The following PSMA1 variants were observed in gnomAD, a reference collection of about 807,000 sequenced individuals.
PSMA1 encodes proteasome 20S subunit alpha 1.
A neutral mutation model predicts 38.4 loss-of-function variants in PSMA1; 3 were observed. The ratio of observed to expected loss-of-function variants is 0.08; its 90% CI spans 0.04 to 0.20. The LOEUF is 0.20. Ranked by LOEUF, PSMA1 falls within the 10% of genes least tolerant of loss-of-function variation. PSMA1 has a pLI of 1.00. For missense variants in PSMA1, 227 were observed against 325.3 expected (o/e 0.70, Z 2.32); for synonymous variants, 101 against 107.1 (o/e 0.94, Z 0.35).
chr11:14,584,077 TA>T (rs1248018917), intron 2 of PSMA1, among the ~76,000 whole-genome samples: 1 of 152,182 alleles, frequency 6.6e-6, no homozygotes, highest in African/African-American at 2.4e-5. Flanking sequence ...GAAAGTTTTT[TA>T]AAAAAATTCT....
intron 9 of PSMA1, among the ~76,000 whole-genome samples, chr11:14,506,864 C>T (rs1851252471): frequency 6.6e-6 from 1 of 152,232 alleles, no homozygotes; most frequent in Non-Finnish European, 1.5e-5. Context: ...GGCCCTGAAA[C>T]TACGTGGACA....
At chr11:14,549,878 G>A (rs1851867844) in intron 2 of PSMA1, among the ~76,000 whole-genome samples, 1 of 152,288 alleles carries the variant, frequency 6.6e-6, no homozygotes, top group African/African-American at 2.4e-5. Context: ...CTGCTCCAAT[G>A]GCAAGAGGAT....
chr11:14,583,879 C>T (rs1334608332), intron 2 of PSMA1, among the ~76,000 whole-genome samples: 4 of 152,138 alleles, frequency 2.6e-5, no homozygotes, highest in African/African-American at 9.7e-5. Context: ...CTTCTGAAAA[C>T]GGCAGCCTCT....
intron 1 of PSMA1, among the ~76,000 whole-genome samples, chr11:14,613,666 T>C (rs1320368531): frequency 2.6e-5 from 4 of 152,176 alleles, no homozygotes; most frequent in Non-Finnish European, 1.5e-5. Context: ...TGTAGGAAAT[T>C]ACACAAAAGA....
At chr11:14,626,391 T>A (rs1852912083) in intron 1 of PSMA1, among the ~76,000 whole-genome samples, 1 of 152,232 alleles carries the variant, frequency 6.6e-6, no homozygotes, top group South Asian at 2.1e-4. Flanking sequence ...ATCTATGCTA[T>A]TACCGTTTTG....
intron 2 of PSMA1, among the ~76,000 whole-genome samples, chr11:14,553,488 C>G (rs1851910894): frequency 6.6e-6 from 1 of 152,164 alleles, no homozygotes; most frequent in Admixed American, 6.5e-5. Flanking sequence ...CTGCCCCCAA[C>G]CCATCCCTAG....
intron 2 of PSMA1, among the ~76,000 whole-genome samples, chr11:14,533,517 G>T (rs2134160581): frequency 6.6e-6 from 1 of 152,186 alleles, no homozygotes; most frequent in South Asian, 2.1e-4. Flanking sequence ...AACAAGATGG[G>T]AATCTTAGCT....
intron 2 of PSMA1, among the ~76,000 whole-genome samples, chr11:14,561,979 G>T (rs1330520830): frequency 1.3e-5 from 2 of 152,152 alleles, no homozygotes; most frequent in Non-Finnish European, 1.5e-5. Flanking sequence ...TTAATTCATG[G>T]AATTTCTTAC....
chr11:14,604,767 A>G (rs563320757), intron 2 of PSMA1, among the ~76,000 whole-genome samples: 71 of 152,232 alleles, frequency 4.7e-4, no homozygotes, highest in African/African-American at 1.6e-3. Context: ...CTTTATGTCC[A>G]TAAGTACCCA....
At chr11:14,590,392 T>C (rs1852398332) in intron 2 of PSMA1, among the ~76,000 whole-genome samples, 1 of 152,190 alleles carries the variant, frequency 6.6e-6, no homozygotes, top group South Asian at 2.1e-4. Context: ...TTTTTGTTTG[T>C]TTGTTAGTTT....
At chr11:14,633,724 C>T (rs1019345330) in intron 1 of PSMA1, among the ~76,000 whole-genome samples, 2 of 152,152 alleles carry the variant, frequency 1.3e-5, no homozygotes, top group Non-Finnish European at 2.9e-5. Flanking sequence ...ATGGCGGGCA[C>T]CCCTCCCCCA....
upstream of PSMA1, among the ~76,000 whole-genome samples, chr11:14,524,109 CAAAAAAAAA>C (rs71044009): frequency 3.7e-5 from 2 of 54,204 alleles, no homozygotes; most frequent in African/African-American, 8.2e-5. Flanking sequence ...GACCCTGTCT[CAAAAAAAAA>C]AAAAAAAAAA....
rs118062732 is a variant in PSMA1 at position 14,551,384 on chromosome 11, C to A, written c.22-32343G>T. On this transcript the variant is annotated intron_variant, in intron 2 of 10. Transcript: ENST00000418988. ...CTGGAACAGATCTATGCAAAATCAT[C>A]CTGAAGAGACATGGATATTTGGTCA... Among the ~76,000 whole-genome samples, 58 of 152,190 alleles carry A rather than the reference C, an allele frequency of 3.8e-4. No individual in the cohort carries two copies. The East Asian group carries it at 9.5e-3, about 25-fold the overall frequency.
chr11:14,507,637 T>C lies in PSMA1; in HGVS notation c.735+19A>G, dbSNP rs777826401. On this transcript the variant is annotated intron_variant, in intron 9 of 9. Transcript: ENST00000396394. ...CAGCTTACAATAGAACTAAAGCCTCTTGTGTTATGATTATATACCTGTGCC... is the reference window on the plus strand; with the variant it reads ...CAGCTTACAATAGAACTAAAGCCTCCTGTGTTATGATTATATACCTGTGCC... 1 of 1,505,902 alleles carries C rather than the reference T, an allele frequency of 6.6e-7. No homozygotes were observed. Among genetic ancestry groups the C allele is most frequent in the Non-Finnish European group, 9.2e-7 (1 of 1,084,300 alleles). The allele number at this position is 1,505,902 out of a possible 1,614,324, so 93.3% of individuals were successfully genotyped here.
chr11:14,628,486 G>C (rs991755455), intron 1 of PSMA1, among the ~76,000 whole-genome samples: 2 of 150,834 alleles, frequency 1.3e-5, no homozygotes, highest in Non-Finnish European at 2.9e-5. Context: ...TCCCTACAAA[G>C]GACATGAACT....
intron 1 of PSMA1, among the ~76,000 whole-genome samples, chr11:14,625,188 C>T (rs1234052164): frequency 6.6e-6 from 1 of 152,174 alleles, no homozygotes; most frequent in Non-Finnish European, 1.5e-5. Context: ...GTAACTCATG[C>T]CTGTAATCCC....
chr11:14,592,486 C>T (rs1442345890), intron 2 of PSMA1, among the ~76,000 whole-genome samples: 2 of 151,934 alleles, frequency 1.3e-5, no homozygotes, highest in African/African-American at 4.8e-5. Context: ...CCTGGTTTCA[C>T]GCCATTCTCC....
At chr11:14,611,205 A>T in intron 1 of PSMA1, 1 of 502,380 alleles carries the variant, frequency 2.0e-6, no homozygotes. Context: ...GATCTTCATC[A>T]GACATCCTGT....
rs547646148 is a variant in PSMA1, at chr11:14,603,756, A to G, written c.21+7210T>C. Among the ~76,000 whole-genome samples the G allele has an allele frequency of 3.9e-5, 6 of 152,382 alleles. No homozygotes were observed. In the Middle Eastern group the frequency reaches 0.014, roughly 346 times the overall value. On this transcript the variant is annotated intron_variant, in intron 2 of 10. Transcript: ENST00000418988. ...TTGACTGTTTAATTACAAATTCAAGAAACAAATTAAGTATTTATACAAAAT... is the reference window on the plus strand; with the variant it reads ...TTGACTGTTTAATTACAAATTCAAGGAACAAATTAAGTATTTATACAAAAT...
Sources: gnomAD v4.1 joint callset for allele counts (sites outside exome capture counted in the v4.1 genomes callset) on GRCh38, gnomAD v4.1.1 for gene constraint, MANE v1.5 for transcripts, NCBI Gene and HGNC (gene_info 2026-07-23, HGNC 2026-07-21) for gene names.